The following CDC14B variants were observed in gnomAD, a reference collection of about 807,000 sequenced individuals.
CDC14B encodes dual specificity protein phosphatase CDC14B.
In CDC14B, 22 loss-of-function variants were observed where a neutral mutation model predicts 64.2. The ratio of observed to expected loss-of-function variants is 0.34; its 90% confidence interval spans 0.24 to 0.49. The LOEUF (loss-of-function observed/expected upper bound fraction) is 0.49, where lower values mean the gene tolerates loss of function less well. Ranked by LOEUF, CDC14B falls within the 20% of genes least tolerant of loss-of-function variation. CDC14B has a pLI of 0.99. For synonymous variants in CDC14B, 191 were observed against 215.8 expected (o/e 0.89, Z 1.01); for missense variants, 498 against 629.9 (o/e 0.79, Z 2.24).
At chr9:96,588,187 G>C (rs1273866471) in intron 1 of CDC14B, among the ~76,000 whole-genome samples, 1 of 152,132 alleles carries the variant, frequency 6.6e-6, no homozygotes, top group East Asian at 1.9e-4. Flanking sequence ...AGGAGAGGGA[G>C]TGGGCTGTTC....
intron 3 of CDC14B, 59 bp downstream of exon 3, chr9:96,564,718 C>G: frequency 9.8e-7 from 1 of 1,021,702 alleles, no homozygotes; most frequent in South Asian, 1.5e-5. Context: ...GTTTTCCTTA[C>G]TTTCGTCCCC....
At chr9:96,619,173 G>A in intron 1 of CDC14B, 46 bp downstream of exon 1, 1 of 1,219,392 alleles carries the variant, frequency 8.2e-7, no homozygotes. Flanking sequence ...GCCCCGCGCC[G>A]GGTGCGGCCG....
intron 12 of CDC14B, among the ~76,000 whole-genome samples, chr9:96,512,147 G>A (rs1331485017): frequency 6.6e-6 from 1 of 151,416 alleles, no homozygotes; most frequent in Non-Finnish European, 1.5e-5. Context: ...GAGCCTGGGA[G>A]GTCAAGACTG....
intron 5 of CDC14B, among the ~76,000 whole-genome samples, chr9:96,549,917 C>T (rs1230429556): frequency 2.0e-5 from 3 of 152,206 alleles, no homozygotes; most frequent in African/African-American, 4.8e-5. Flanking sequence ...TAACTCAAAA[C>T]GTCTTTTTTC....
chr9:96,554,553 T>TG (rs1842252952), intron 4 of CDC14B, among the ~76,000 whole-genome samples: 1 of 152,102 alleles, frequency 6.6e-6, no homozygotes, highest in South Asian at 2.1e-4. Flanking sequence ...TTTTTTCCTA[T>TG]GGGGGAAAAA....
intron 1 of CDC14B, among the ~76,000 whole-genome samples, chr9:96,582,891 C>G (rs1328441931): frequency 6.6e-6 from 1 of 151,976 alleles, no homozygotes; most frequent in Non-Finnish European, 1.5e-5. Flanking sequence ...ATATAATGGG[C>G]CTGGGTTGTT....
rs1372086033 is a variant in CDC14B at position 96,501,544 on chromosome 9, T to A, written c.*2209A>T. On this transcript the variant is annotated 3_prime_UTR_variant, in exon 14 of 14. Transcript: ENST00000375241. ...GGATGCTAGAGACAGTCCTCATAAG[T>A]GTAACACTGCCCTTGCTATGCACAC... 1 of 152,458 alleles carries A rather than the reference T, an allele frequency of 6.6e-6. No individual in the cohort carries two copies. Among genetic ancestry groups the A allele is most frequent in the Non-Finnish European group, 1.5e-5 (1 of 68,032 alleles). 9.4% of individuals were successfully genotyped at this position (152,458 alleles called of 1,614,324 possible). A position where few individuals can be genotyped will look rare whatever the true frequency, so the allele number is the denominator to read the frequency against.
chr9:96,600,662 C>T (rs1427234669), intron 1 of CDC14B, among the ~76,000 whole-genome samples: 1 of 151,996 alleles, frequency 6.6e-6, no homozygotes, highest in Non-Finnish European at 1.5e-5. Flanking sequence ...GCCACCAAGC[C>T]CGGCTAATTT....
intron 9 of CDC14B, among the ~76,000 whole-genome samples, chr9:96,525,391 G>C (rs1249384489): frequency 1.3e-5 from 2 of 152,002 alleles, no homozygotes; most frequent in African/African-American, 4.8e-5. Flanking sequence ...AAGGAAGGAT[G>C]ATCCCAAGGG....
At chr9:96,598,387 A>T (rs1047867896) in intron 1 of CDC14B, among the ~76,000 whole-genome samples, 1 of 152,168 alleles carries the variant, frequency 6.6e-6, no homozygotes, top group African/African-American at 2.4e-5. Flanking sequence ...CCCAGGCTGG[A>T]GTGCAGTGGC....
At chr9:96,592,244 ATTG>A (rs1478488960) in intron 1 of CDC14B, among the ~76,000 whole-genome samples, 1 of 151,932 alleles carries the variant, frequency 6.6e-6, no homozygotes, top group African/African-American at 2.4e-5. Context: ...CACCCAGCTA[ATTG>A]TTGTATTTTT....
intron 13 of CDC14B, among the ~76,000 whole-genome samples, chr9:96,509,159 C>G (rs747128001): frequency 6.6e-6 from 1 of 152,208 alleles, no homozygotes; most frequent in Non-Finnish European, 1.5e-5. Flanking sequence ...CCACAGAACA[C>G]ATTGGTTTCC....
intron 1 of CDC14B, among the ~76,000 whole-genome samples, chr9:96,610,299 C>T (rs901185133): frequency 1.3e-5 from 2 of 152,044 alleles, no homozygotes; most frequent in African/African-American, 2.4e-5. Context: ...CAGGGGTTCA[C>T]GCCATTCTCC....
intron 9 of CDC14B, among the ~76,000 whole-genome samples, chr9:96,526,849 A>G (rs934659366): frequency 1.3e-5 from 2 of 152,108 alleles, no homozygotes; most frequent in African/African-American, 2.4e-5. Flanking sequence ...CCAACCCCCA[A>G]AAAAGGTCTC....
chr9:96,520,503 G>A (rs1836526518), intron 12 of CDC14B, among the ~76,000 whole-genome samples: 1 of 152,192 alleles, frequency 6.6e-6, no homozygotes, highest in South Asian at 2.1e-4. Flanking sequence ...GCACAGCCAC[G>A]CCCAGCTAGA....
At chr9:96,561,488 T>G (rs1587975131) in intron 4 of CDC14B, among the ~76,000 whole-genome samples, 1 of 152,046 alleles carries the variant, frequency 6.6e-6, no homozygotes, top group Non-Finnish European at 1.5e-5. Context: ...AACCCTGTTT[T>G]TCTTTTTTGA....
chr9:96,528,950 TTTG>T (rs1378927497), intron 9 of CDC14B, among the ~76,000 whole-genome samples: 1 of 152,190 alleles, frequency 6.6e-6, no homozygotes, highest in Non-Finnish European at 1.5e-5. Context: ...TGAACTGGGT[TTTG>T]TTGTTGTTTT....
In CDC14B at chr9:96,502,807, GA is replaced by G. The variant is rs1289562830; in HGVS notation, c.*945del. 2.1e-4 allele frequency: 76 copies of G among 369,364 alleles called. No homozygotes were observed. Among genetic ancestry groups the G allele is most frequent in the East Asian group, 3.1e-4 (8 of 26,094 alleles). The allele number at this position is 369,364 out of a possible 1,614,324, so 22.9% of individuals were successfully genotyped here. ...ATGGCCTTAGGTGGATCTCATAAGG[GA>G]AAAAAAAAATCCAATGTTACAGGGA... On this transcript the variant is annotated 3_prime_UTR_variant, in exon 14 of 14. Coordinates refer to ENST00000375241, the MANE Select transcript of CDC14B (RefSeq NM_033331.4).
At chr9:96,509,888 G>C in intron 12 of CDC14B, 99 bp from the exon 13 acceptor site, 1 of 698,478 alleles carries the variant, frequency 1.4e-6, no homozygotes, top group Non-Finnish European at 2.4e-6. Flanking sequence ...AAATTATCTT[G>C]AGAATTGAGA....
Sources: allele counts gnomAD v4.1 joint callset (sites outside exome capture counted in the v4.1 genomes callset), GRCh38; gene constraint gnomAD v4.1.1; transcripts MANE v1.5; gene names NCBI Gene and HGNC (gene_info 2026-07-23, HGNC 2026-07-21).